MAP7D2: variants seen among roughly 807,000 people sequenced by gnomAD.
The protein encoded by MAP7D2 is MAP7 domain-containing protein 2.
MAP7D2 carries 33 observed loss-of-function variants against 63.5 expected under a neutral mutation model. That is an observed-to-expected ratio of 0.52 (90% CI 0.39 to 0.70). The LOEUF (loss-of-function observed/expected upper bound fraction) is 0.70. MAP7D2 is among the 30% of genes least tolerant of loss of function. The pLI is 0.00. For missense variants in MAP7D2, 626 were observed against 604.0 expected (o/e 1.04, Z -0.38); for synonymous variants, 224 against 223.7 (o/e 1.00, Z -0.01).
At chrX:20,081,824 AT>A (rs1279430427) in intron 1 of MAP7D2, among the ~76,000 whole-genome samples, 1 of 110,576 alleles carries the variant, frequency 9.0e-6, no homozygotes, top group Non-Finnish European at 1.9e-5. Context: ...AGCTTTTTGT[AT>A]TTTTAGTAGA....
chrX:20,033,945 C>T (rs2074127095), intron 8 of MAP7D2, among the ~76,000 whole-genome samples: 1 of 111,315 alleles, frequency 9.0e-6, no homozygotes, highest in African/African-American at 3.3e-5. Context: ...ATATAAATGG[C>T]CGGGCGCGGT....
intron 11 of MAP7D2, 81 bp downstream of exon 11, chrX:20,016,013 G>A: frequency 1.2e-6 from 1 of 815,942 alleles, no homozygotes. Flanking sequence ...AACATTATGA[G>A]TCATTGAAAT....
At chrX:20,066,147 C>T (rs1268894603) in intron 1 of MAP7D2, among the ~76,000 whole-genome samples, 2 of 111,574 alleles carry the variant, frequency 1.8e-5, no homozygotes, top group African/African-American at 6.5e-5. Flanking sequence ...TGGTCTCGAT[C>T]TCCTGACCTC....
At chrX:20,065,156 G>A (rs778249604) in intron 1 of MAP7D2, among the ~76,000 whole-genome samples, 41 of 111,807 alleles carry the variant, frequency 3.7e-4, no homozygotes, top group Admixed American at 1.1e-3. Flanking sequence ...ACTAGGCCTC[G>A]TCTAGTCAGG....
chrX:20,075,187 A>T (rs1040096472), intron 1 of MAP7D2, among the ~76,000 whole-genome samples: 1 of 112,301 alleles, frequency 8.9e-6, no homozygotes, highest in Non-Finnish European at 1.9e-5. Flanking sequence ...CCAAATCATG[A>T]AATTTCAGGT....
At chrX:20,115,044 T>C (rs913585650) in intron 1 of MAP7D2, among the ~76,000 whole-genome samples, 6 of 111,779 alleles carry the variant, frequency 5.4e-5, no homozygotes, top group African/African-American at 1.6e-4. Context: ...TTAATGCACA[T>C]AGGTGCTTAT....
chrX:20,052,777 C>T (rs907405622), intron 5 of MAP7D2, 101 bp downstream of exon 5: 8 of 635,324 alleles, frequency 1.3e-5, no homozygotes, highest in Non-Finnish European at 2.1e-5. Context: ...ATGACGGTAT[C>T]TGCAGAAGGC....
At chrX:20,042,663 C>T (rs1312566050) in intron 7 of MAP7D2, 34 bp from the exon 8 acceptor site, 4 of 1,205,500 alleles carry the variant, frequency 3.3e-6, no homozygotes, top group Non-Finnish European at 4.5e-6. Flanking sequence ...CAGTCCATGA[C>T]TGGCACTACT....
chrX:20,039,392 AT>A (rs1331907573), intron 8 of MAP7D2, among the ~76,000 whole-genome samples: 1 of 112,066 alleles, frequency 8.9e-6, no homozygotes, highest in African/African-American at 3.2e-5. Flanking sequence ...TGTTAACTTT[AT>A]GTAATAGCAT....
intron 8 of MAP7D2, among the ~76,000 whole-genome samples, chrX:20,037,246 A>T (rs1409007476): frequency 2.7e-5 from 3 of 111,308 alleles, no homozygotes; most frequent in Non-Finnish European, 5.7e-5. Flanking sequence ...GTGCTTTCTG[A>T]CCTATCTAGC....
At chrX:20,079,046 C>A (rs1317555970) in intron 1 of MAP7D2, among the ~76,000 whole-genome samples, 1 of 110,610 alleles carries the variant, frequency 9.0e-6, no homozygotes, top group African/African-American at 3.3e-5. Context: ...AAAGCTGTAA[C>A]AACTACAGCA....
intron 6 of MAP7D2, among the ~76,000 whole-genome samples, chrX:20,047,339 G>A (rs905516218): frequency 5.3e-5 from 6 of 112,242 alleles, no homozygotes; most frequent in African/African-American, 1.9e-4. Flanking sequence ...ATGAGCCCTT[G>A]GGGATCATAG....
At chrX:20,116,030 C>T (rs1433078603) in intron 1 of MAP7D2, among the ~76,000 whole-genome samples, 1 of 112,955 alleles carries the variant, frequency 8.9e-6, no homozygotes, top group African/African-American at 3.2e-5. Flanking sequence ...CAGTCTCCTC[C>T]GCTGCCTCGC....
At chrX:20,062,355 C>T (rs753045636) in intron 3 of MAP7D2, among the ~76,000 whole-genome samples, 5 of 111,156 alleles carry the variant, frequency 4.5e-5, no homozygotes, top group East Asian at 5.7e-4. Context: ...CAGCCAATAA[C>T]GGTGAACCAT....
intron 1 of MAP7D2, among the ~76,000 whole-genome samples, chrX:20,068,719 A>G (rs2065421297): frequency 8.9e-6 from 1 of 111,938 alleles, no homozygotes; most frequent in Admixed American, 9.5e-5. Context: ...CTAAAGACAC[A>G]GTGTATCCAA....
chrX:20,016,228 C>T lies in MAP7D2; in HGVS notation c.1510G>A (p.Glu504Lys), dbSNP rs759329268. 1.7e-6 allele frequency: 2 copies of T among 1,204,072 alleles called. No homozygotes were observed. The highest frequency in any genetic ancestry group is 1.8e-5 in the South Asian group (1 of 56,054). Residue 504 changes from glutamate to lysine, a missense_variant, in exon 11 of 17, where the codon GAG becomes AAG. Coordinates refer to ENST00000379643, the MANE Select transcript of MAP7D2 (RefSeq NM_001168465.2). ...TCCCCTTCCTGTTTTTTCTTTTCCT[C>T]TTCCTGCCGCTTCCTTTCTTCTTCC... is the stretch of plus-strand genomic sequence containing the variant. ...KQEEERKRQE[E>K]EKKKQEGEEK...
intron 1 of MAP7D2, among the ~76,000 whole-genome samples, chrX:20,089,071 G>A (rs193236510): frequency 3.3e-4 from 37 of 111,883 alleles, no homozygotes; most frequent in East Asian, 2.8e-3. Flanking sequence ...GTGAGCCACC[G>A]TGCTCGGCCT....
intron 10 of MAP7D2, among the ~76,000 whole-genome samples, chrX:20,017,846 C>A (rs966149057): frequency 2.7e-5 from 3 of 111,646 alleles, no homozygotes; most frequent in Non-Finnish European, 3.8e-5. Flanking sequence ...TATTAACGAG[C>A]CAATTATGAT....
chrX:20,088,290 GTTT>G (rs2065966971), intron 1 of MAP7D2, among the ~76,000 whole-genome samples: 1 of 88,089 alleles, frequency 1.1e-5, no homozygotes, highest in Non-Finnish European at 2.1e-5. Context: ...TTGGTCAATA[GTTT>G]TCTTTTTTTT....
Sources: allele counts gnomAD v4.1 joint callset (sites outside exome capture counted in the v4.1 genomes callset), GRCh38; gene constraint gnomAD v4.1.1; transcripts MANE v1.5; gene names NCBI Gene and HGNC (gene_info 2026-07-23, HGNC 2026-07-21).